The following ADGRD1 variants were observed in gnomAD, a reference collection of about 807,000 sequenced individuals.
ADGRD1 encodes adhesion G protein-coupled receptor D1, also known as G-protein coupled receptor 133.
ADGRD1 carries 77 observed loss-of-function variants against 113.4 expected under a neutral mutation model. The observed-to-expected ratio is 0.68, with a 90% CI of 0.57 to 0.82. ADGRD1 has a LOEUF of 0.82. Among genes scored for constraint, ADGRD1 ranks in the 40% least tolerant of loss-of-function variants. The pLI is 0.00. For missense variants in ADGRD1, 1,036 were observed against 1,139.1 expected, an observed-to-expected ratio of 0.91 and a Z score of 1.30; for synonymous variants, 474 against 475.0, an observed-to-expected ratio of 1.00 and a Z score of 0.03.
chr12:131,026,613 T>G (rs1879988255), intron 13 of ADGRD1: 1 of 152,458 alleles, frequency 6.6e-6, no homozygotes, highest in Non-Finnish European at 1.5e-5. Flanking sequence ...CCAAGGGAAC[T>G]GGTTCTGCTG....
chr12:131,044,120 A>G (rs1882426728), intron 13 of ADGRD1, among the ~76,000 whole-genome samples: 1 of 152,202 alleles, frequency 6.6e-6, no homozygotes, highest in African/African-American at 2.4e-5. Context: ...CTGAATCTCT[A>G]CACACCTCTG....
chr12:131,035,854 T>TTATA (rs879448841), intron 13 of ADGRD1, among the ~76,000 whole-genome samples: 7 of 152,200 alleles, frequency 4.6e-5, no homozygotes, highest in Non-Finnish European at 8.8e-5. Flanking sequence ...TAAGTGGAAA[T>TTATA]TATAATGTAG....
At chr12:130,996,649 G>A (rs1875429610) in intron 8 of ADGRD1, among the ~76,000 whole-genome samples, 1 of 105,632 alleles carries the variant, frequency 9.5e-6, no homozygotes, top group African/African-American at 3.8e-5. Flanking sequence ...CGGCTGGCCG[G>A]GCGGGGGGCT....
At chr12:131,127,819 G>T (rs1950780411) in intron 20 of ADGRD1, among the ~76,000 whole-genome samples, 1 of 139,500 alleles carries the variant, frequency 7.2e-6, no homozygotes, top group African/African-American at 2.8e-5. Context: ...GTGAGGTGTT[G>T]GTTGTGTTGG....
rs927396049 is a variant in ADGRD1 at position 130,965,672 on chromosome 12, C to T, written c.104-791C>T. ...CACTCAAGAGACTGTTACCCAAACT[C>T]AATTATGAGGGTTAGATAGAAACAA... On this transcript the variant is annotated intron_variant, in intron 2 of 24. Transcript: ENST00000261654. The surrounding 1 kb of genome is among the most constrained non-coding windows in gnomAD (Gnocchi z 4.8). Among the ~76,000 whole-genome samples, 1 of 152,154 alleles carries T rather than the reference C, an allele frequency of 6.6e-6. No homozygotes were observed. Among genetic ancestry groups the T allele is most frequent in the African/African-American group, 2.4e-5 (1 of 41,416 alleles).
intron 14 of ADGRD1, among the ~76,000 whole-genome samples, chr12:131,079,932 C>T (rs1030838600): frequency 6.6e-6 from 1 of 152,044 alleles, no homozygotes; most frequent in African/African-American, 2.4e-5. Context: ...CTTTTGGCTT[C>T]ATTGATTTTT....
chr12:130,971,393 C>A lies in ADGRD1; in HGVS notation c.188-65C>A. On this transcript the variant is annotated intron_variant, in intron 3 of 24. Transcript: ENST00000261654. The surrounding 1 kb of genome is among the most constrained non-coding windows in gnomAD (Gnocchi z 4.2). ...ACATAAGTTATTTGTAGGTCTGACA[C>A]ACATCTTCAGACTTTTAATCTCGGA... The A allele has an allele frequency of 7.2e-7, 1 of 1,389,416 alleles. No individual in the cohort carries two copies. The highest frequency in any genetic ancestry group is 1.0e-6 in the Non-Finnish European group (1 of 995,088). 86.1% of individuals were successfully genotyped at this position (1,389,416 alleles called of 1,614,324 possible). A position where few individuals can be genotyped will look rare whatever the true frequency, so the allele number is the denominator to read the frequency against.
chr12:130,999,891 G>A (rs1448629811), intron 8 of ADGRD1, among the ~76,000 whole-genome samples: 1 of 152,214 alleles, frequency 6.6e-6, no homozygotes, highest in Non-Finnish European at 1.5e-5. Flanking sequence ...TAGAATAATA[G>A]TGAGCCGAAC....
chr12:131,139,029 G>C (rs1951180132), intron 24 of ADGRD1, 139 bp from the exon 25 acceptor site: 1 of 631,524 alleles, frequency 1.6e-6, no homozygotes, highest in Non-Finnish European at 2.8e-6. Flanking sequence ...GAGCATGGGG[G>C]CTCCCTTCTC....
Position 131,027,598 on chromosome 12 carries a change from C to T in ADGRD1, c.1473+13258C>T, listed in dbSNP as rs1311667075. ...GTTAAATGTCTACACATTTTTTTCTCATTTTAAAATTTATTTTGGATGTTT... is the reference window on the plus strand; with the variant it reads ...GTTAAATGTCTACACATTTTTTTCTTATTTTAAAATTTATTTTGGATGTTT... On this transcript the variant is annotated intron_variant, in intron 13 of 24. Transcript: ENST00000261654. This position sits in a 1 kb window ranked among gnomAD's most constrained non-coding sequence, Gnocchi z 5.1. 6 of 151,900 alleles carry T rather than the reference C, an allele frequency of 3.9e-5. No individual in the cohort carries two copies. Among genetic ancestry groups the T allele is most frequent in the Admixed American group, 3.3e-4 (5 of 15,256 alleles). 9.4% of individuals were successfully genotyped at this position (151,900 alleles called of 1,614,324 possible). A position where few individuals can be genotyped will look rare whatever the true frequency, so the allele number is the denominator to read the frequency against.
Position 131,004,235 on chromosome 12 carries a change from C to T in ADGRD1, c.1194C>T (p.Tyr398=), listed in dbSNP as rs1876793896. The change falls in exon 11 of 25, where the codon TAC becomes TAT. Residue 398 remains tyrosine, a synonymous_variant. Transcript: ENST00000261654. The stretch of plus-strand genomic sequence containing the variant: ...CCAAGACCGTGAATTCCTCCCATTA[C>T]CGCTTCCCGGCCCACGGGCAGAGCT... ...ILPKTVNSSH[Y]RFPAHGQSFI... The T allele has an allele frequency of 1.2e-6, 2 of 1,613,968 alleles. No individual in the cohort carries two copies. Among genetic ancestry groups the T allele is most frequent in the African/African-American group, 2.7e-5 (2 of 74,926 alleles).
chr12:131,000,308 G>A (rs1876195224), intron 8 of ADGRD1, 75 bp from the exon 9 acceptor site: 1 of 1,111,026 alleles, frequency 9.0e-7, no homozygotes, highest in Non-Finnish European at 1.4e-6. Context: ...ATTGGAAGAT[G>A]CGGGGAAAAC....
rs1887311132 is a variant in ADGRD1 at position 131,096,740 on chromosome 12, C to T, written c.1672-8091C>T. Among the ~76,000 whole-genome samples, 1 of 152,190 alleles carries T rather than the reference C, an allele frequency of 6.6e-6. No individual in the cohort carries two copies. The highest frequency in any genetic ancestry group is 1.5e-5 in the Non-Finnish European group (1 of 68,048). ...GGGTTCCCGTGGGGCACTGCCAGTC[C>T]AGGTTTACATCGCCACAACTGTTTA... On this transcript the variant is annotated intron_variant, in intron 15 of 24. Coordinates refer to ENST00000261654, the MANE Select transcript of ADGRD1 (RefSeq NM_198827.5). The surrounding 1 kb of genome is among the most constrained non-coding windows in gnomAD (Gnocchi z 5.2).
intron 15 of ADGRD1, among the ~76,000 whole-genome samples, chr12:131,089,081 G>C (rs868317583): frequency 1.3e-5 from 2 of 152,182 alleles, no homozygotes; most frequent in African/African-American, 2.4e-5. Context: ...ATTTCTGTTC[G>C]TGTCATGGGA....
chr12:130,958,143 T>C (rs1869883657), intron 2 of ADGRD1: 1 of 151,856 alleles, frequency 6.6e-6, no homozygotes, highest in South Asian at 2.1e-4. Flanking sequence ...CATTTTCTTT[T>C]TTCCATTTCC....
intron 5 of ADGRD1, among the ~76,000 whole-genome samples, chr12:130,982,412 T>C (rs1054710696): frequency 1.3e-5 from 2 of 152,222 alleles, no homozygotes; most frequent in African/African-American, 2.4e-5. Context: ...GCTGAAGATA[T>C]GGTGTGCAAA....
chr12:131,048,655 C>T (rs1335299272), intron 13 of ADGRD1, among the ~76,000 whole-genome samples: 2 of 152,228 alleles, frequency 1.3e-5, no homozygotes, highest in African/African-American at 2.4e-5. Flanking sequence ...AATAGGTTGT[C>T]GATCCAGTAG....
chr12:131,000,309 C>A, intron 8 of ADGRD1, 74 bp from the exon 9 acceptor site: 2 of 1,120,608 alleles, frequency 1.8e-6, no homozygotes, highest in Non-Finnish European at 2.7e-6. Context: ...TTGGAAGATG[C>A]GGGGAAAACT....
At chr12:130,981,377 T>C (rs970813826) in intron 4 of ADGRD1, 1 of 152,250 alleles carries the variant, frequency 6.6e-6, no homozygotes, top group Non-Finnish European at 1.5e-5. Context: ...TTTATAGAAA[T>C]GTTGTTTATA....
Sources: gnomAD v4.1 joint callset for allele counts (sites outside exome capture counted in the v4.1 genomes callset) on GRCh38, gnomAD v4.1.1 for gene constraint, Gnocchi (gnomAD v3.1) non-coding constraint, MANE v1.5 for transcripts, NCBI Gene and HGNC (gene_info 2026-07-23, HGNC 2026-07-21) for gene names.